The following TRHDE variants were observed in gnomAD, a reference collection of about 807,000 sequenced individuals.
The protein encoded by TRHDE is thyrotropin-releasing hormone-degrading ectoenzyme.
In TRHDE, 72 loss-of-function variants were observed where a neutral mutation model predicts 125.7. The observed-to-expected ratio is 0.57, with a 90% confidence interval of 0.47 to 0.70. TRHDE has a LOEUF of 0.70. Ranked by LOEUF, TRHDE falls within the 30% of genes least tolerant of loss-of-function variation. The pLI is 0.00. For missense variants in TRHDE, 1,110 were observed against 1,327.1 expected (o/e 0.84, Z 2.54); for synonymous variants, 509 against 509.1 (o/e 1.00, Z 0.00).
At chr12:72,438,034 T>C (rs1406705920) in intron 3 of TRHDE, among the ~76,000 whole-genome samples, 1 of 151,876 alleles carries the variant, frequency 6.6e-6, no homozygotes, top group Non-Finnish European at 1.5e-5. Context: ...TAATTTTCTT[T>C]CTGTGACTGA....
intron 2 of TRHDE, among the ~76,000 whole-genome samples, chr12:72,196,654 T>C (rs1877448766): frequency 6.6e-6 from 1 of 152,082 alleles, no homozygotes; most frequent in African/African-American, 2.4e-5. Context: ...ACCTATGCCA[T>C]TTTAACCACT....
rs887767822 is a variant in TRHDE at position 72,631,992 on chromosome 12, T to C, written c.2675+10241T>C. On this transcript the variant is annotated intron_variant, in intron 15 of 18. Coordinates refer to ENST00000261180, the MANE Select transcript of TRHDE (RefSeq NM_013381.3). ...AGTACGTTGATGGATAAGATAAATC[T>C]GTGTAATTTTTCAACATTTCTGTGA... Among the ~76,000 whole-genome samples, 4 of 151,958 alleles carry C rather than the reference T, an allele frequency of 2.6e-5. No individual in the cohort carries two copies. The South Asian group carries it at 8.3e-4, about 31-fold the overall frequency.
intron 2 of TRHDE, among the ~76,000 whole-genome samples, chr12:72,182,490 G>C (rs1877113956): frequency 6.6e-6 from 1 of 152,144 alleles, no homozygotes; most frequent in African/African-American, 2.4e-5. Flanking sequence ...CCTGGACTCA[G>C]GACCAAAATT....
At chr12:72,152,454 A>C (rs1876391187) in intron 2 of TRHDE, among the ~76,000 whole-genome samples, 1 of 152,078 alleles carries the variant, frequency 6.6e-6, no homozygotes, top group Non-Finnish European at 1.5e-5. Flanking sequence ...GTGGTGAAAG[A>C]GGGCATCCCT....
At chr12:72,232,322 G>A (rs755450814) in intron 2 of TRHDE, among the ~76,000 whole-genome samples, 140 of 152,268 alleles carry the variant, frequency 9.2e-4, no homozygotes, top group Non-Finnish European at 1.5e-3. Context: ...GGCCTATAGA[G>A]GTGGTCCCTC....
intron 2 of TRHDE, among the ~76,000 whole-genome samples, chr12:72,130,161 G>A (rs1457967644): frequency 1.3e-5 from 2 of 152,082 alleles, no homozygotes; most frequent in African/African-American, 2.4e-5. Flanking sequence ...TTAGCCAGGC[G>A]CGGTGGTGGG....
intron 3 of TRHDE, among the ~76,000 whole-genome samples, chr12:72,465,756 G>A (rs1251970125): frequency 6.6e-6 from 1 of 152,134 alleles, no homozygotes; most frequent in Non-Finnish European, 1.5e-5. Flanking sequence ...TCCTTAAGTT[G>A]TGAAGACATA....
At chr12:72,162,090 C>G (rs1450664140) in intron 2 of TRHDE, among the ~76,000 whole-genome samples, 1 of 152,196 alleles carries the variant, frequency 6.6e-6, no homozygotes, top group Admixed American at 6.5e-5. Flanking sequence ...GCAAGACATA[C>G]TGGCTTTGTT....
chr12:72,314,606 A>G (rs1197438119), intron 2 of TRHDE, among the ~76,000 whole-genome samples: 4 of 152,120 alleles, frequency 2.6e-5, no homozygotes, highest in Non-Finnish European at 5.9e-5. Flanking sequence ...CACTGAAATG[A>G]TAGTTTTGGG....
In TRHDE at chr12:72,619,046, G is replaced by A; in HGVS notation, c.2469+8G>A. 1 of 1,535,160 alleles carries A rather than the reference G, an allele frequency of 6.5e-7. No homozygotes were observed. Among genetic ancestry groups the A allele is most frequent in the Non-Finnish European group, 8.7e-7 (1 of 1,143,864 alleles). The stretch of plus-strand genomic sequence containing the variant: ...AACTACAACATTTTCAATGTAAAAA[G>A]ATATAATTTTTCTTTCTAATTTTTA... On this transcript the variant is annotated splice_region_variant and intron_variant, in intron 13 of 18. Coordinates refer to ENST00000261180, the MANE Select transcript of TRHDE (RefSeq NM_013381.3).
chr12:72,603,593 C>T (rs1350828428), intron 12 of TRHDE, among the ~76,000 whole-genome samples: 2 of 151,926 alleles, frequency 1.3e-5, no homozygotes, highest in East Asian at 1.9e-4. Context: ...GGCGTGGTGG[C>T]AGGCGCCTGT....
intron 2 of TRHDE, among the ~76,000 whole-genome samples, chr12:72,179,040 T>C (rs1877044319): frequency 6.6e-6 from 1 of 152,058 alleles, no homozygotes; most frequent in Non-Finnish European, 1.5e-5. Flanking sequence ...ACAGATGGAA[T>C]CATGCAAATG....
At chr12:72,346,740 C>A (rs1870347011) in intron 2 of TRHDE, among the ~76,000 whole-genome samples, 2 of 152,058 alleles carry the variant, frequency 1.3e-5, no homozygotes, top group African/African-American at 4.8e-5. Context: ...TCAAATAGAT[C>A]TTTCTTGGCA....
At chr12:72,263,876 T>C (rs1427876454) in intron 2 of TRHDE, 2 of 152,058 alleles carry the variant, frequency 1.3e-5, no homozygotes, top group African/African-American at 4.8e-5. Context: ...GAGGTCTTAT[T>C]GCATATCCGG....
At chr12:72,299,489 A>G (rs1201687336) in intron 2 of TRHDE, among the ~76,000 whole-genome samples, 2 of 148,772 alleles carry the variant, frequency 1.3e-5, no homozygotes, top group Non-Finnish European at 1.5e-5. Flanking sequence ...ACTGAAAATC[A>G]TTTCTTACTG....
Position 72,562,913 on chromosome 12 carries a change from C to T in TRHDE, c.1915C>T (p.Gln639Ter), listed in dbSNP as rs768289445. The T allele has an allele frequency of 6.2e-7, 1 of 1,609,938 alleles. No individual in the cohort carries two copies. Among genetic ancestry groups the T allele is most frequent in the Non-Finnish European group, 8.5e-7 (1 of 1,178,230 alleles). Residue 639 changes from glutamine (Q) to a stop codon, truncating the protein, a stop_gained, in exon 9 of 19, where the codon CAG (glutamine) becomes TAG (stop). Transcript: ENST00000261180. LOFTEE classifies it high-confidence loss of function. ...AGAAGTAATGGATCAGTGGACACTC[C>T]AGATGGGTTATCCTGTTATCACCAT... ...IQEVMDQWTLQMGYPVITILG... is the reference protein window; with the variant it reads ...IQEVMDQWTL
At chr12:72,101,240 G>A (rs1474199706) in intron 1 of TRHDE, among the ~76,000 whole-genome samples, 2 of 152,154 alleles carry the variant, frequency 1.3e-5, no homozygotes, top group Admixed American at 1.3e-4. Flanking sequence ...TACCAAAACA[G>A]CCAATAAATG....
rs575195870 is a variant in TRHDE at position 72,665,836 on chromosome 12, A to G, written c.*2641A>G. On this transcript the variant is annotated 3_prime_UTR_variant, in exon 19 of 19. Transcript: ENST00000261180. Reference sequence around the variant, plus strand: ...AAACATTTCCAGGTAACTCGTAAATAAAAAGATTTCCCCATTTTTACACAT... The same window carrying G: ...AAACATTTCCAGGTAACTCGTAAATGAAAAGATTTCCCCATTTTTACACAT... The G allele has an allele frequency of 2.0e-5, 3 of 152,218 alleles. No individual in the cohort carries two copies. The highest frequency in any genetic ancestry group is 7.2e-5 in the African/African-American group (3 of 41,570). 9.4% of individuals were successfully genotyped at this position (152,218 alleles called of 1,614,324 possible). A position where few individuals can be genotyped will look rare whatever the true frequency, so the allele number is the denominator to read the frequency against.
chr12:72,098,225 A>T (rs1288821114), intron 1 of TRHDE, among the ~76,000 whole-genome samples: 1 of 152,104 alleles, frequency 6.6e-6, no homozygotes, highest in Non-Finnish European at 1.5e-5. Context: ...TTGACTGTTT[A>T]AAAATTAAAC....
Sources: gnomAD v4.1 joint callset for allele counts (sites outside exome capture counted in the v4.1 genomes callset) on GRCh38, gnomAD v4.1.1 for gene constraint, MANE v1.5 for transcripts, NCBI Gene and HGNC (gene_info 2026-07-23, HGNC 2026-07-21) for gene names.